Variants in PDE4D observed in about 807,000 individuals in gnomAD.
PDE4D encodes phosphodiesterase 4D.
Under a neutral mutation model 87.4 loss-of-function variants are expected in PDE4D, and 24 were observed. The ratio of observed to expected loss-of-function variants is 0.27; its 90% CI spans 0.20 to 0.39. The LOEUF is 0.39. PDE4D is among the 10% of genes least tolerant of loss of function. The pLI, the probability that PDE4D is intolerant of heterozygous loss-of-function variation, is 1.00. For synonymous variants in PDE4D, 384 were observed against 383.2 expected (o/e 1.00, Z -0.02); for missense variants, 714 against 1,041.0 (o/e 0.69, Z 4.32).
chr5:59,587,927 G>GA (rs145356226), intron 1 of PDE4D, among the ~76,000 whole-genome samples: 86 of 149,912 alleles, frequency 5.7e-4, no homozygotes, highest in South Asian at 1.3e-3. Context: ...CTTACCCAGT[G>GA]AAAAAAAAAG....
At chr5:59,216,085 A>T in intron 1 of PDE4D, 117 bp from the exon 2 acceptor site, 1 of 675,850 alleles carries the variant, frequency 1.5e-6, no homozygotes, top group Non-Finnish European at 2.5e-6. Flanking sequence ...TGAAAATTAC[A>T]GCTAATTTCT....
chr5:60,134,412 G>A (rs1042876821), intron 2 of PDE4D, among the ~76,000 whole-genome samples: 1 of 152,178 alleles, frequency 6.6e-6, no homozygotes, highest in African/African-American at 2.4e-5. Flanking sequence ...GGCTGAGACA[G>A]GAGGATCGCT....
chr5:60,448,561 T>C (rs1745836070), intron 1 of PDE4D: 1 of 152,172 alleles, frequency 6.6e-6, no homozygotes, highest in African/African-American at 2.4e-5. Context: ...ACTTTCATTC[T>C]GAAGATGTCC....
chr5:60,390,416 A>G (rs897942474), intron 1 of PDE4D, among the ~76,000 whole-genome samples: 1 of 152,166 alleles, frequency 6.6e-6, no homozygotes, highest in Non-Finnish European at 1.5e-5. Context: ...CCAGTCACTA[A>G]CCAAATTCCT....
chr5:59,300,270 T>C (rs1561911007), intron 1 of PDE4D, among the ~76,000 whole-genome samples: 1 of 152,110 alleles, frequency 6.6e-6, no homozygotes, highest in Non-Finnish European at 1.5e-5. Context: ...CTAGAAGAAA[T>C]AGAAATGTTT....
At chr5:59,618,118 CTA>C (rs1487664019) in intron 1 of PDE4D, among the ~76,000 whole-genome samples, 1 of 151,960 alleles carries the variant, frequency 6.6e-6, no homozygotes, top group Admixed American at 6.6e-5. Flanking sequence ...CTAAAAGTTT[CTA>C]TGTTAAAGGA....
intron 1 of PDE4D, among the ~76,000 whole-genome samples, chr5:60,337,366 T>A (rs1455407892): frequency 1.3e-4 from 14 of 111,536 alleles, no homozygotes; most frequent in Admixed American, 4.7e-4. Flanking sequence ...TATATATATA[T>A]ATATATATAT....
chr5:59,502,439 G>C (rs1402711717), intron 1 of PDE4D, among the ~76,000 whole-genome samples: 4 of 151,978 alleles, frequency 2.6e-5, no homozygotes, highest in Non-Finnish European at 5.9e-5. Context: ...CTTTAAACAT[G>C]GTGTCTGAGC....
chr5:59,407,843 A>C (rs1791964097), intron 1 of PDE4D, among the ~76,000 whole-genome samples: 1 of 152,188 alleles, frequency 6.6e-6, no homozygotes, highest in Non-Finnish European at 1.5e-5. Flanking sequence ...GAAGCAATTG[A>C]GATGTGACCT....
intron 2 of PDE4D, among the ~76,000 whole-genome samples, chr5:60,075,318 A>C (rs1773167751): frequency 6.6e-6 from 1 of 152,108 alleles, no homozygotes; most frequent in Admixed American, 6.5e-5. Flanking sequence ...TCTTTTTTTG[A>C]AGAATGTTTA....
chr5:60,109,483 C>G (rs892747818), intron 2 of PDE4D, among the ~76,000 whole-genome samples: 1 of 150,538 alleles, frequency 6.6e-6, no homozygotes, highest in African/African-American at 2.4e-5. Flanking sequence ...ACTAGAAATA[C>G]CATTTGACCC....
At chr5:59,368,401 A>C (rs1300542946) in intron 1 of PDE4D, among the ~76,000 whole-genome samples, 1 of 152,182 alleles carries the variant, frequency 6.6e-6, no homozygotes, top group Non-Finnish European at 1.5e-5. Context: ...TATTTATAAA[A>C]CGTTAGTATG....
chr5:60,276,785 T>C (rs1751404038), intron 1 of PDE4D, among the ~76,000 whole-genome samples: 1 of 152,134 alleles, frequency 6.6e-6, no homozygotes, highest in African/African-American at 2.4e-5. Flanking sequence ...TTTAACACCA[T>C]TTTATAATGT....
In PDE4D at chr5:60,327,578, T is replaced by C. The variant is rs551656124; in HGVS notation, c.-89-141891A>G. Among the ~76,000 whole-genome samples, 54 of 152,328 alleles carry C rather than the reference T, an allele frequency of 3.5e-4. 1 individual carries two copies. The highest frequency in any genetic ancestry group is 1.3e-3 in the African/African-American group (53 of 41,580). On this transcript the variant is annotated intron_variant, in intron 1 of 16. Transcript: ENST00000502484. ...CTTCAATATTAAATAACAGAACATA[T>C]GCTTACCTATGTACCAGCTATTTAA...
At position 60,269,550 on chromosome 5, in the gene PDE4D, ATTTGG is replaced by A. The variant is rs558650344; in HGVS notation, c.-89-83868_-89-83864del. Among the ~76,000 whole-genome samples the A allele has an allele frequency of 5.9e-3, 892 of 152,280 alleles. 7 individuals are homozygous for A. The highest frequency in any genetic ancestry group is 0.021 in the African/African-American group (854 of 41,562). ...TGCTGTGAACATTCTTAAAAGACCA[ATTTGG>A]TTATATTTTTGTTGGTAATAGCTAC... On this transcript the variant is annotated intron_variant, in intron 1 of 16. Coordinates refer to the PDE4D transcript ENST00000502484.
At chr5:60,214,178 A>G (rs1409095839) in intron 1 of PDE4D, among the ~76,000 whole-genome samples, 1 of 152,186 alleles carries the variant, frequency 6.6e-6, no homozygotes, top group African/African-American at 2.4e-5. Flanking sequence ...TATTAGTATC[A>G]CTTCTCATGT....
intron 1 of PDE4D, among the ~76,000 whole-genome samples, chr5:60,370,585 G>A (rs932644361): frequency 1.3e-5 from 2 of 152,180 alleles, no homozygotes; most frequent in Non-Finnish European, 2.9e-5. Flanking sequence ...CATTAACGAT[G>A]ACTGCTAAAA....
chr5:60,239,972 C>T (rs983274629), intron 1 of PDE4D, among the ~76,000 whole-genome samples: 7 of 151,986 alleles, frequency 4.6e-5, no homozygotes, highest in African/African-American at 1.7e-4. Flanking sequence ...AAGCAGAACC[C>T]GAAGTCATTC....
At chr5:60,172,099 T>C (rs911582967) in intron 2 of PDE4D, among the ~76,000 whole-genome samples, 1 of 146,630 alleles carries the variant, frequency 6.8e-6, no homozygotes, top group African/African-American at 2.5e-5. Context: ...ACTAAATGAG[T>C]GAATATATAT....
Sources: gnomAD v4.1 joint callset for allele counts (sites outside exome capture counted in the v4.1 genomes callset) on GRCh38, gnomAD v4.1.1 for gene constraint, MANE v1.5 for transcripts, NCBI Gene and HGNC (gene_info 2026-07-23, HGNC 2026-07-21) for gene names.